Variants in RUNX1 observed in about 807,000 individuals in gnomAD.
RUNX1 encodes RUNX family transcription factor 1, also known as runt-related transcription factor 1.
Under a neutral mutation model 42.8 loss-of-function variants are expected in RUNX1, and 19 were observed. The observed-to-expected ratio is 0.44, with a 90% CI of 0.31 to 0.65. The LOEUF is 0.65. RUNX1 is among the 30% of genes least tolerant of loss of function. RUNX1 has a pLI of 0.07. For missense variants in RUNX1, 528 were observed against 672.0 expected (o/e 0.79, Z 2.37); for synonymous variants, 271 against 289.4 (o/e 0.94, Z 0.64).
intron 2 of RUNX1, among the ~76,000 whole-genome samples, chr21:34,933,865 A>T (rs2146605825): frequency 6.6e-6 from 1 of 152,324 alleles, no homozygotes; most frequent in Non-Finnish European, 1.5e-5. Flanking sequence ...AGACCAAAGA[A>T]TTCCCATGTG....
rs2056410450 is a variant in RUNX1 at position 34,789,588 on chromosome 21, A to ACACACACACACACACG, written c.*2531_*2546dup. The stretch of plus-strand genomic sequence containing the variant: ...GAAGTCAATGAATGCAATTTTTCAC[A>ACACACACACACACACG]CACACACACACACACGCACACACAC... On this transcript the variant is annotated 3_prime_UTR_variant, in exon 9 of 9. Transcript: ENST00000675419. 4.3e-6 allele frequency: 1 copy of ACACACACACACACACG among 232,396 alleles called. No homozygotes were observed. The allele number at this position is 232,396 out of a possible 1,614,324, so 14.4% of individuals were successfully genotyped here.
chr21:35,005,199 G>T (rs2059075145), intron 2 of RUNX1, among the ~76,000 whole-genome samples: 1 of 152,040 alleles, frequency 6.6e-6, no homozygotes, highest in East Asian at 1.9e-4. Context: ...GAGTGATGAG[G>T]AAACGGGAGA....
At chr21:35,026,886 C>G (rs1386911574) in intron 2 of RUNX1, among the ~76,000 whole-genome samples, 1 of 152,242 alleles carries the variant, frequency 6.6e-6, no homozygotes, top group Non-Finnish European at 1.5e-5. Flanking sequence ...GCTGCCTGCC[C>G]GCGCGTTATC....
chr21:34,894,880 AACACACACACACACAC>A lies in RUNX1; in HGVS notation c.59-1933_59-1918del, dbSNP rs57230115. ...TCACATCACTCTTGACCTACATAGAAACACACACACACACACACACACACACACACACACACACACA... is the reference window on the plus strand; with the variant it reads ...TCACATCACTCTTGACCTACATAGAAACACACACACACACACACACACACA... On this transcript the variant is annotated intron_variant, in intron 2 of 8. Transcript: ENST00000675419. Among the ~76,000 whole-genome samples the A allele has an allele frequency of 5.7e-4, 73 of 127,958 alleles. No individual in the cohort carries two copies. The South Asian group carries it at 0.013, about 22-fold the overall frequency. The allele number at this position is 127,958 out of a possible 152,430, so 83.9% of individuals were successfully genotyped here.
At chr21:35,005,798 T>G (rs1171870778) in intron 2 of RUNX1, among the ~76,000 whole-genome samples, 1 of 152,198 alleles carries the variant, frequency 6.6e-6, no homozygotes, top group Non-Finnish European at 1.5e-5. Context: ...TAAGTACCCT[T>G]TGAATTTCAT....
At chr21:34,956,744 A>G (rs2058647077) in intron 2 of RUNX1, among the ~76,000 whole-genome samples, 1 of 152,156 alleles carries the variant, frequency 6.6e-6, no homozygotes, top group Non-Finnish European at 1.5e-5. Context: ...AGAACATTTG[A>G]GCCCATTTGC....
intron 2 of RUNX1, among the ~76,000 whole-genome samples, chr21:34,947,758 A>T (rs1311890963): frequency 1.3e-5 from 2 of 152,228 alleles, no homozygotes; most frequent in Non-Finnish European, 2.9e-5. Context: ...CACAGTCTGA[A>T]GGGACTTCAC....
intron 2 of RUNX1, among the ~76,000 whole-genome samples, chr21:34,919,670 T>C (rs980012859): frequency 4.6e-5 from 7 of 152,240 alleles, no homozygotes; most frequent in East Asian, 1.9e-4. Context: ...TCTTCTTCGA[T>C]TGAGTGGTCT....
chr21:34,983,676 T>C (rs2058863740), intron 2 of RUNX1, among the ~76,000 whole-genome samples: 1 of 152,168 alleles, frequency 6.6e-6, no homozygotes, highest in East Asian at 1.9e-4. Context: ...ATAAAACTTA[T>C]CTGTGGAGGA....
chr21:34,940,314 A>T (rs1408043316), intron 2 of RUNX1, among the ~76,000 whole-genome samples: 1 of 152,176 alleles, frequency 6.6e-6, no homozygotes, highest in Non-Finnish European at 1.5e-5. Flanking sequence ...GTTCCATGTG[A>T]TCTCCCAAGT....
rs2057325306 is a variant in RUNX1 at position 34,846,885 on chromosome 21, G to A, written c.614-12284C>T. 3.3e-5 allele frequency among the ~76,000 whole-genome samples: 5 copies of A among 152,240 alleles called. No homozygotes were observed. In the South Asian group the frequency reaches 1.0e-3, roughly 31 times the overall value. ...AGCAAATGAACAGGACAGCGAGCTGGCCTCTGGAGCCTTGGAAGATTCTCA... is the reference window on the plus strand; with the variant it reads ...AGCAAATGAACAGGACAGCGAGCTGACCTCTGGAGCCTTGGAAGATTCTCA... On this transcript the variant is annotated intron_variant, in intron 6 of 8. Coordinates refer to ENST00000675419, the MANE Select transcript of RUNX1 (RefSeq NM_001754.5).
At chr21:34,977,780 G>T (rs1002306217) in intron 2 of RUNX1, among the ~76,000 whole-genome samples, 1 of 152,212 alleles carries the variant, frequency 6.6e-6, no homozygotes, top group African/African-American at 2.4e-5. Context: ...AGGCCAAAAA[G>T]CTGTCTCCAT....
intron 7 of RUNX1, among the ~76,000 whole-genome samples, chr21:34,814,532 T>C (rs2056799207): frequency 6.6e-6 from 1 of 152,224 alleles, no homozygotes; most frequent in Admixed American, 6.5e-5. Flanking sequence ...ATTCTGTCTT[T>C]CAAGTGGATT....
At chr21:34,798,513 C>T (rs1280801242) in intron 8 of RUNX1, among the ~76,000 whole-genome samples, 3 of 152,042 alleles carry the variant, frequency 2.0e-5, no homozygotes, top group Non-Finnish European at 4.4e-5. Flanking sequence ...GTATGAACAG[C>T]GCTTAGTTGG....
intron 2 of RUNX1, among the ~76,000 whole-genome samples, chr21:34,934,114 G>T (rs73900602): frequency 6.6e-6 from 1 of 152,230 alleles, no homozygotes; most frequent in African/African-American, 2.4e-5. Flanking sequence ...GCTTTTCTGT[G>T]TATGTCCTGA....
At chr21:35,035,444 C>T (rs911854367) in intron 2 of RUNX1, among the ~76,000 whole-genome samples, 24 of 152,210 alleles carry the variant, frequency 1.6e-4, no homozygotes, top group African/African-American at 5.3e-4. Flanking sequence ...TGGACTCCAA[C>T]CGAGTTCTGC....
intron 2 of RUNX1, among the ~76,000 whole-genome samples, chr21:35,001,615 T>A (rs2059044966): frequency 6.6e-6 from 1 of 152,092 alleles, no homozygotes; most frequent in South Asian, 2.1e-4. Flanking sequence ...TCTTGCCACT[T>A]CTATTCAACA....
chr21:34,798,989 CT>C (rs1390068551), intron 8 of RUNX1, among the ~76,000 whole-genome samples: 1 of 152,168 alleles, frequency 6.6e-6, no homozygotes, highest in African/African-American at 2.4e-5. Flanking sequence ...ATAATGAGTC[CT>C]AAAAGTTGAA....
At position 34,843,120 on chromosome 21, in the gene RUNX1, A is replaced by G. The variant is rs539085378; in HGVS notation, c.614-8519T>C. 6.6e-6 allele frequency among the ~76,000 whole-genome samples: 1 copy of G among 152,292 alleles called. No homozygotes were observed. Among genetic ancestry groups the G allele is most frequent in the African/African-American group, 2.4e-5 (1 of 41,558 alleles). On this transcript the variant is annotated intron_variant, in intron 6 of 8. Coordinates refer to ENST00000675419, the MANE Select transcript of RUNX1 (RefSeq NM_001754.5). The surrounding 1 kb of genome is among the most constrained non-coding windows in gnomAD (Gnocchi z 4.8). Reference sequence around the variant, plus strand: ...GATACACATGGACACACATGTATAAACACACATACAGACACACATGGACAT... The same window carrying G: ...GATACACATGGACACACATGTATAAGCACACATACAGACACACATGGACAT...
Sources: allele counts gnomAD v4.1 joint callset (sites outside exome capture counted in the v4.1 genomes callset), GRCh38; gene constraint gnomAD v4.1.1; non-coding constraint Gnocchi (gnomAD v3.1); transcripts MANE v1.5; gene names NCBI Gene and HGNC (gene_info 2026-07-23, HGNC 2026-07-21).